The following PRELID2 variants were observed in gnomAD, a reference collection of about 807,000 sequenced individuals.
PRELID2 encodes PRELI domain-containing protein 2.
PRELID2 carries 25 observed loss-of-function variants against 28.4 expected under a neutral mutation model. The observed-to-expected ratio is 0.88, with a 90% CI of 0.64 to 1.23. The LOEUF (loss-of-function observed/expected upper bound fraction) is 1.23. Among genes scored for constraint, PRELID2 ranks in the 50% most tolerant of loss-of-function variants. The probability of loss-of-function intolerance (pLI) is 0.00; values close to 1 mark genes in which losing one functional copy is unlikely to be tolerated. For synonymous variants in PRELID2, 76 were observed against 71.6 expected, an observed-to-expected ratio of 1.06 and a Z score of -0.31; for missense variants, 201 against 214.4, an observed-to-expected ratio of 0.94 and a Z score of 0.39.
chr5:145,595,845 G>T (rs529050236), intron 1 of PRELID2, among the ~76,000 whole-genome samples: 3 of 152,042 alleles, frequency 2.0e-5, no homozygotes, highest in East Asian at 3.9e-4. Context: ...ATCACTCTGG[G>T]TTATTCAGTA....
the PRELID2 span, among the ~76,000 whole-genome samples, chr5:145,397,182 A>G: frequency 6.6e-6 from 1 of 152,128 alleles, no homozygotes; most frequent in Non-Finnish European, 1.5e-5. Context: ...TCTCAGGTCC[A>G]CAAGAATTCT....
chr5:145,786,635 C>T (rs919664699), intron 5 of PRELID2, among the ~76,000 whole-genome samples: 19 of 152,220 alleles, frequency 1.2e-4, no homozygotes, highest in Admixed American at 2.6e-4. Context: ...TCCTAATCTA[C>T]AGAAACAGAG....
intron 1 of PRELID2, among the ~76,000 whole-genome samples, chr5:145,702,148 C>T (rs1755423774): frequency 6.6e-6 from 1 of 151,734 alleles, no homozygotes; most frequent in South Asian, 2.1e-4. Flanking sequence ...TACTGTAATG[C>T]TTAAGTATTT....
chr5:145,820,077 G>A, intron 2 of PRELID2, 59 bp from the exon 3 acceptor site: 1 of 1,025,258 alleles, frequency 9.8e-7, no homozygotes, highest in Non-Finnish European at 1.5e-6. Flanking sequence ...TTTTCTTAGT[G>A]TCAATAAATC....
chr5:145,287,598 G>A, the PRELID2 span, among the ~76,000 whole-genome samples: 4 of 152,102 alleles, frequency 2.6e-5, no homozygotes, highest in African/African-American at 9.7e-5. Context: ...GTAATATCAT[G>A]GATAAGGGGG....
At chr5:145,823,382 G>A (rs1182672158) in intron 1 of PRELID2, among the ~76,000 whole-genome samples, 6 of 152,190 alleles carry the variant, frequency 3.9e-5, no homozygotes, top group African/African-American at 1.4e-4. Flanking sequence ...AGGGGGATGA[G>A]GTTAAGCTAA....
intron 1 of PRELID2, among the ~76,000 whole-genome samples, chr5:145,481,766 A>T (rs1355246253): frequency 6.6e-6 from 1 of 152,118 alleles, no homozygotes; most frequent in African/African-American, 2.4e-5. Flanking sequence ...TTCAACAAAC[A>T]TCAGAATGCC....
intron 1 of PRELID2, among the ~76,000 whole-genome samples, chr5:145,670,877 T>C (rs1007721214): frequency 2.6e-5 from 4 of 152,288 alleles, no homozygotes; most frequent in African/African-American, 4.8e-5. Context: ...AGTAAATAAA[T>C]TAGCAGTACA....
the PRELID2 span, among the ~76,000 whole-genome samples, chr5:145,292,694 A>C: frequency 2.0e-5 from 3 of 152,050 alleles, no homozygotes; most frequent in Non-Finnish European, 4.4e-5. Context: ...AAAAATCTGT[A>C]CTCATTTCCC....
At chr5:145,742,137 AATAAATTTATTTATTTATT>A (rs1201811673) in intron 1 of PRELID2, among the ~76,000 whole-genome samples, 4 of 5,562 alleles carry the variant, frequency 7.2e-4, no homozygotes, top group South Asian at 3.6e-3. Flanking sequence ...ATTATAAATA[AATAAATTTATTTATTTATT>A]ATAAATTTAT....
chr5:145,717,685 AATT>A (rs1183604886), intron 1 of PRELID2, among the ~76,000 whole-genome samples: 2 of 150,874 alleles, frequency 1.3e-5, no homozygotes, highest in African/African-American at 4.8e-5. Context: ...GATTTAAAAT[AATT>A]ATAATAAAAT....
intron 1 of PRELID2, among the ~76,000 whole-genome samples, chr5:145,667,497 A>T (rs1042606124): frequency 2.6e-5 from 4 of 152,098 alleles, no homozygotes; most frequent in Admixed American, 2.6e-4. Context: ...GAAGACACTG[A>T]GGCACAAGGT....
At chr5:145,287,299 A>G in the PRELID2 span, among the ~76,000 whole-genome samples, 1 of 152,176 alleles carries the variant, frequency 6.6e-6, no homozygotes, top group African/African-American at 2.4e-5. Context: ...AATAAAATAG[A>G]ATAGGATAAT....
chr5:145,676,321 C>T (rs544215114), intron 1 of PRELID2, among the ~76,000 whole-genome samples: 6 of 151,866 alleles, frequency 4.0e-5, no homozygotes, highest in African/African-American at 9.6e-5. Flanking sequence ...GGGCAGATCA[C>T]GAGGTCAGGA....
At chr5:145,319,710 A>G in the PRELID2 span, among the ~76,000 whole-genome samples, 1 of 68,760 alleles carries the variant, frequency 1.5e-5, no homozygotes, top group African/African-American at 4.1e-5. Context: ...TAAATAAATA[A>G]ATAAATAAAT....
chr5:145,726,030 T>G (rs1263365805), intron 1 of PRELID2, among the ~76,000 whole-genome samples: 1 of 151,790 alleles, frequency 6.6e-6, no homozygotes, highest in African/African-American at 2.4e-5. Context: ...AAAAAAAATT[T>G]TTTTTAATAG....
chr5:145,728,537 A>G (rs1756242433), intron 1 of PRELID2: 4 of 771,504 alleles, frequency 5.2e-6, no homozygotes, highest in East Asian at 2.4e-5. Flanking sequence ...TCTACTCCAC[A>G]TCAGCATCAT....
chr5:145,258,234 C>T, the PRELID2 span, among the ~76,000 whole-genome samples: 1 of 152,076 alleles, frequency 6.6e-6, no homozygotes, highest in Non-Finnish European at 1.5e-5. Flanking sequence ...AAAATTGGCA[C>T]TGAGGAGTGG....
the PRELID2 span, among the ~76,000 whole-genome samples, chr5:145,407,135 G>C: frequency 2.0e-5 from 3 of 152,202 alleles, no homozygotes; most frequent in African/African-American, 7.2e-5. Flanking sequence ...AGAAGCTATA[G>C]CTGATAGTGC....
Sources: gnomAD v4.1 joint callset for allele counts (sites outside exome capture counted in the v4.1 genomes callset) on GRCh38, gnomAD v4.1.1 for gene constraint, MANE v1.5 for transcripts, NCBI Gene and HGNC (gene_info 2026-07-23, HGNC 2026-07-21) for gene names.